The following STOX2 variants were observed in gnomAD, a reference collection of about 807,000 sequenced individuals.
The protein encoded by STOX2 is storkhead-box protein 2.
STOX2 carries 28 observed loss-of-function variants against 60.9 expected under a neutral mutation model. The ratio of observed to expected loss-of-function variants is 0.46; its 90% CI spans 0.34 to 0.63. The LOEUF is 0.63. STOX2 is among the 30% of genes least tolerant of loss of function. The pLI, the probability that STOX2 is intolerant of heterozygous loss-of-function variation, is 0.01. For synonymous variants in STOX2, 472 were observed against 463.9 expected (o/e 1.02, Z -0.22); for missense variants, 1,024 against 1,187.7 (o/e 0.86, Z 2.03).
rs924175514 is a variant in STOX2 at position 183,825,105 on chromosome 4, A to G, written c.364+27050A>G. On this transcript the variant is annotated intron_variant, in intron 1 of 2. Coordinates refer to the STOX2 transcript ENST00000513034. This position sits in a 1 kb window ranked among gnomAD's most constrained non-coding sequence, Gnocchi z 4.1. ...AAGGACCAAGGAGGCTGCTCATCAA[A>G]GACACTTGCTGAAAAGAGGCAGAGC... Among the ~76,000 whole-genome samples the G allele has an allele frequency of 6.6e-6, 1 of 152,188 alleles. No homozygotes were observed. Among genetic ancestry groups the G allele is most frequent in the Admixed American group, 6.5e-5 (1 of 15,280 alleles).
chr4:183,951,139 C>T (rs1377131710), intron 1 of STOX2, among the ~76,000 whole-genome samples: 3 of 148,442 alleles, frequency 2.0e-5, no homozygotes, highest in East Asian at 2.1e-4. Flanking sequence ...TGGGTGAACC[C>T]GGGAGGTGGA....
At chr4:184,014,577 A>AC (rs1274087487) in intron 3 of STOX2, 5 of 152,046 alleles carry the variant, frequency 3.3e-5, no homozygotes, top group South Asian at 2.1e-4. Context: ...TCTTTAAAAA[A>AC]AAAAAACAAA....
At chr4:183,864,226 G>A (rs986107942) in intron 1 of STOX2, among the ~76,000 whole-genome samples, 28 of 152,028 alleles carry the variant, frequency 1.8e-4, no homozygotes, top group African/African-American at 6.0e-4. Context: ...TCTCCAGAAC[G>A]GAGATAAAAC....
At chr4:183,998,528 C>G (rs10033148) in intron 1 of STOX2, among the ~76,000 whole-genome samples, 4,438 of 152,212 alleles carry the variant, frequency 0.029, 202 homozygotes, top group African/African-American at 0.1. Context: ...CTCAGCCAAT[C>G]TTCACACATT....
At position 184,010,316 on chromosome 4, in the gene STOX2, C is replaced by T. The variant is rs1196283666; in HGVS notation, c.1478C>T (p.Ser493Leu). 9 of 1,603,588 alleles carry T rather than the reference C, an allele frequency of 5.6e-6. No homozygotes were observed. Among genetic ancestry groups the T allele is most frequent in the Non-Finnish European group, 7.7e-6 (9 of 1,175,082 alleles). The change falls in exon 3 of 4, where the codon TCG becomes TTG. Residue 493 changes from serine to leucine, a missense_variant. Physicochemically the swap from Ser to Leu is moderately radical, Grantham distance 145. Transcript: ENST00000308497. This position sits in a 1 kb window ranked among gnomAD's most constrained non-coding sequence, Gnocchi z 4.5. ...RSNKAKERSR[S>L]MDNSKGPLGA... Reference sequence around the variant, plus strand: ...AACAAAGCCAAGGAGAGATCCAGGTCGATGGATAACTCCAAAGGCCCTCTG... The same window carrying T: ...AACAAAGCCAAGGAGAGATCCAGGTTGATGGATAACTCCAAAGGCCCTCTG...
At chr4:183,973,474 G>A (rs759545107) in intron 1 of STOX2, among the ~76,000 whole-genome samples, 12 of 152,004 alleles carry the variant, frequency 7.9e-5, no homozygotes, top group Admixed American at 2.6e-4. Flanking sequence ...AAGTAAAGTG[G>A]AACACTATTT....
chr4:183,902,147 A>G (rs944244952), upstream of STOX2, among the ~76,000 whole-genome samples: 2 of 152,242 alleles, frequency 1.3e-5, no homozygotes, highest in East Asian at 1.9e-4. Flanking sequence ...AAACAGAACA[A>G]TGAGCAACAA....
chr4:184,010,195 A>G lies in STOX2; in HGVS notation c.1357A>G (p.Met453Val). The G allele has an allele frequency of 6.4e-7, 1 of 1,554,750 alleles. No individual in the cohort carries two copies. The highest frequency in any genetic ancestry group is 8.7e-7 in the Non-Finnish European group (1 of 1,148,698). The change falls in exon 3 of 4, where the codon ATG (methionine) becomes GTG (valine). Residue 453 changes from methionine to valine, a missense_variant. Coordinates refer to ENST00000308497, the MANE Select transcript of STOX2 (RefSeq NM_020225.3). This position sits in a 1 kb window ranked among gnomAD's most constrained non-coding sequence, Gnocchi z 4.5. ...SGELAKRRTE[M>V]PFPEPSRGSS... is the part of the protein sequence containing the mutation. ...TGAATTGGCTAAAAGGAGAACTGAG[A>G]TGCCTTTTCCTGAACCTTCTAGGGG...
chr4:183,901,620 AG>A (rs1213665383), upstream of STOX2, among the ~76,000 whole-genome samples: 1 of 145,860 alleles, frequency 6.9e-6, no homozygotes, highest in Non-Finnish European at 1.5e-5. Context: ...TTTTGATAGT[AG>A]CCGTCCTAAT....
At position 184,009,353 on chromosome 4, in the gene STOX2, C is replaced by T; in HGVS notation, c.515C>T (p.Ser172Phe). ...ERIPDRSQCT[S>F]PQPGTITPSA... Reference sequence around the variant, plus strand: ...ATACCTGACCGGTCTCAGTGCACCTCTCCGCAACCCGGGACCATCACGCCC... The same window carrying T: ...ATACCTGACCGGTCTCAGTGCACCTTTCCGCAACCCGGGACCATCACGCCC... The change falls in exon 3 of 4, where the codon TCT (serine) becomes TTT (phenylalanine). Residue 172 changes from serine (S) to phenylalanine (F), a missense_variant. Around this residue, in one of 3 missense-constraint regions of STOX2, gnomAD observed 922 missense variants for 1,058.3 expected, o/e 0.87. Transcript: ENST00000308497. The surrounding 1 kb of genome is among the most constrained non-coding windows in gnomAD (Gnocchi z 4.0). 2 of 1,614,016 alleles carry T rather than the reference C, an allele frequency of 1.2e-6. No individual in the cohort carries two copies. Among genetic ancestry groups the T allele is most frequent in the Non-Finnish European group, 1.7e-6 (2 of 1,179,882 alleles).
At chr4:183,931,767 G>T (rs903296134) in intron 1 of STOX2, among the ~76,000 whole-genome samples, 1 of 152,172 alleles carries the variant, frequency 6.6e-6, no homozygotes, top group Non-Finnish European at 1.5e-5. Context: ...TGCACGAGAA[G>T]AGCAGGCATA....
intron 1 of STOX2, among the ~76,000 whole-genome samples, chr4:183,832,549 G>A (rs1352473121): frequency 1.4e-5 from 2 of 144,930 alleles, no homozygotes; most frequent in East Asian, 4.0e-4. Flanking sequence ...GGAATGCAGT[G>A]GCATGATCTC....
chr4:184,014,511 T>G (rs866253826), intron 3 of STOX2: 7 of 152,070 alleles, frequency 4.6e-5, no homozygotes, highest in Non-Finnish European at 7.4e-5. Context: ...CTTGGTCCAT[T>G]TCTCCTGCCT....
chr4:184,022,460 A>G lies in STOX2; in HGVS notation c.*5176A>G, dbSNP rs11937038. On this transcript the variant is annotated 3_prime_UTR_variant, in exon 4 of 4. Transcript: ENST00000308497. ...AGGATTCTACAAGACTCAAGGGGGA[A>G]CTAAACTTTCTTACGATTGTACATG... 0.11 allele frequency: 17,480 copies of G among 152,178 alleles called. 1,865 individuals are homozygous for G. The highest frequency in any genetic ancestry group is 0.28 in the African/African-American group (11,723 of 41,458). The allele number at this position is 152,178 out of a possible 1,614,324, so 9.4% of individuals were successfully genotyped here. A position where few individuals can be genotyped will look rare whatever the true frequency, so the allele number is the denominator to read the frequency against.
intron 1 of STOX2, among the ~76,000 whole-genome samples, chr4:183,914,933 C>G (rs1397192681): frequency 2.0e-5 from 3 of 152,258 alleles, no homozygotes; most frequent in Admixed American, 1.3e-4. Flanking sequence ...TTTTTGATGT[C>G]TATAGTCAGG....
chr4:183,991,932 C>G (rs1733123852), intron 1 of STOX2, among the ~76,000 whole-genome samples: 1 of 152,172 alleles, frequency 6.6e-6, no homozygotes, highest in Admixed American at 6.5e-5. Flanking sequence ...AGGAGCAGAA[C>G]TGGGCTCTGA....
Position 183,856,766 on chromosome 4 carries a change from T to C in STOX2, c.364+58711T>C, listed in dbSNP as rs1260322656. On this transcript the variant is annotated intron_variant, in intron 1 of 2. Transcript: ENST00000513034. The surrounding 1 kb of genome is among the most constrained non-coding windows in gnomAD (Gnocchi z 4.0). ...AAAGTGCTACTTTAAAAATAGTCTTTTTTCAGTAGTGTCTGTTTAATAGTT... is the reference window on the plus strand; with the variant it reads ...AAAGTGCTACTTTAAAAATAGTCTTCTTTCAGTAGTGTCTGTTTAATAGTT... Among the ~76,000 whole-genome samples the C allele has an allele frequency of 2.6e-5, 4 of 152,264 alleles. No homozygotes were observed. Among genetic ancestry groups the C allele is most frequent in the South Asian group, 4.1e-4 (2 of 4,836 alleles).
At chr4:183,902,937 T>G (rs894190458), upstream of STOX2, among the ~76,000 whole-genome samples, 3 of 152,158 alleles carry the variant, frequency 2.0e-5, no homozygotes, top group African/African-American at 7.2e-5. Flanking sequence ...GGTGGCTGAG[T>G]GGAGCTATAG....
chr4:183,919,232 G>T (rs1037163786), intron 1 of STOX2, among the ~76,000 whole-genome samples: 4 of 152,210 alleles, frequency 2.6e-5, no homozygotes, highest in Non-Finnish European at 5.9e-5. Flanking sequence ...CAGAATGTTT[G>T]TTTGGGATGC....
Sources: gnomAD v4.1 joint callset for allele counts (sites outside exome capture counted in the v4.1 genomes callset) on GRCh38, gnomAD v4.1.1 for gene constraint, gnomAD v4.1.1 regional missense constraint, Gnocchi (gnomAD v3.1) non-coding constraint, MANE v1.5 for transcripts, NCBI Gene and HGNC (gene_info 2026-07-23, HGNC 2026-07-21) for gene names.